Variants in TRIM67 observed in about 807,000 individuals in gnomAD.
TRIM67 encodes tripartite motif-containing protein 67.
In TRIM67, 39 loss-of-function variants were observed where a neutral mutation model predicts 71.0. The observed-to-expected ratio is 0.55, with a 90% CI of 0.43 to 0.72. The LOEUF (loss-of-function observed/expected upper bound fraction) is 0.72. TRIM67 is among the 30% of genes least tolerant of loss of function. TRIM67 has a pLI of 0.00. For synonymous variants in TRIM67, 481 were observed against 473.9 expected (o/e 1.01, Z -0.19); for missense variants, 973 against 1,079.2 (o/e 0.90, Z 1.38).
chr1:231,192,011 A>G (rs534635239), intron 1 of TRIM67, among the ~76,000 whole-genome samples: 2 of 152,286 alleles, frequency 1.3e-5, no homozygotes, highest in African/African-American at 2.4e-5. Context: ...TGGGCCACCC[A>G]TCTTTAGAGA....
chr1:231,200,669 C>T (rs1028708637), intron 4 of TRIM67, among the ~76,000 whole-genome samples: 6 of 152,186 alleles, frequency 3.9e-5, no homozygotes, highest in African/African-American at 1.2e-4. Flanking sequence ...TTCTCGGGGC[C>T]ATCTCTCCTG....
At chr1:231,187,527 AG>A in intron 1 of TRIM67, 1 of 1,531,250 alleles carries the variant, frequency 6.5e-7, no homozygotes, top group Non-Finnish European at 8.7e-7. Context: ...CTTAGCACTG[AG>A]GGGCAGATAA....
In TRIM67 at chr1:231,162,663, G is replaced by T; in HGVS notation, c.-307G>T. On this transcript the variant is annotated 5_prime_UTR_variant, in exon 1 of 10. Transcript: ENST00000366653. ...CGCTGGTGCTGATTCATCACCTAAA[G>T]CTCCTCGCAGGCCACCGCGAGGGCA... The T allele has an allele frequency of 2.6e-6, 1 of 390,596 alleles. No homozygotes were observed. Among genetic ancestry groups the T allele is most frequent in the Non-Finnish European group, 4.6e-6 (1 of 216,758 alleles). 24.2% of individuals were successfully genotyped at this position (390,596 alleles called of 1,614,324 possible).
chr1:231,208,841 GC>G (rs1277345363), intron 7 of TRIM67, 105 bp from the exon 8 acceptor site: 2 of 1,138,226 alleles, frequency 1.8e-6, no homozygotes, highest in African/African-American at 1.6e-5. Flanking sequence ...ACTTCTGGGT[GC>G]CGACTTTCTA....
In TRIM67 at chr1:231,214,020, A is replaced by G. The variant is rs565683602; in HGVS notation, c.2286+43A>G. ...GCCGGACCTGGTCTGGCTGCTCCCA[A>G]CTGTTTGCCACAGGTCTCTGCAGTG... On this transcript the variant is annotated intron_variant, in intron 9 of 9. Transcript: ENST00000366653. 116 of 1,555,974 alleles carry G rather than the reference A, an allele frequency of 7.5e-5. No individual in the cohort carries two copies. The East Asian group carries it at 1.4e-3, about 19-fold the overall frequency.
chr1:231,188,747 A>G (rs1465960809), intron 1 of TRIM67, among the ~76,000 whole-genome samples: 1 of 152,162 alleles, frequency 6.6e-6, no homozygotes, highest in Non-Finnish European at 1.5e-5. Flanking sequence ...GTTATGAGGA[A>G]TCAGATAAAT....
chr1:231,206,310 G>A (rs538988418), intron 6 of TRIM67, among the ~76,000 whole-genome samples: 8 of 151,896 alleles, frequency 5.3e-5, no homozygotes, highest in Non-Finnish European at 1.2e-4. Context: ...GCATGGTGGT[G>A]CATGCTTGTA....
chr1:231,195,077 A>G (rs1683332507), intron 1 of TRIM67, among the ~76,000 whole-genome samples: 1 of 152,152 alleles, frequency 6.6e-6, no homozygotes, highest in Non-Finnish European at 1.5e-5. Flanking sequence ...CAGTATGTCA[A>G]CAGTTTGAGG....
At position 231,163,965 on chromosome 1, in the gene TRIM67, C is replaced by T. The variant is rs1383498568; in HGVS notation, c.996C>T (p.His332=). 2 of 1,582,080 alleles carry T rather than the reference C, an allele frequency of 1.3e-6. No individual in the cohort carries two copies. Among genetic ancestry groups the T allele is most frequent in the Admixed American group, 1.8e-5 (1 of 55,942 alleles). ...ATCTGTGCCTGGAGGAGGGCCGGCA[C>T]GCCAAGCACGAGGTGAAGCCGCTGG... The part of the protein sequence containing the change: ...VCYLCLEEGR[H]AKHEVKPLGA... Residue 332 remains histidine, a synonymous_variant, in exon 1 of 10, where the codon CAC becomes CAT. Coordinates refer to ENST00000366653, the MANE Select transcript of TRIM67 (RefSeq NM_001004342.5).
At chr1:231,202,154 G>A (rs1402193953) in intron 5 of TRIM67, among the ~76,000 whole-genome samples, 3 of 150,336 alleles carry the variant, frequency 2.0e-5, no homozygotes, top group Admixed American at 6.6e-5. Context: ...AAGAGGTAGC[G>A]GAGGAGGAGG....
chr1:231,165,540 A>G (rs1289654864), intron 1 of TRIM67, among the ~76,000 whole-genome samples: 1 of 152,332 alleles, frequency 6.6e-6, no homozygotes, highest in East Asian at 1.9e-4. Context: ...AAGAGTGCTT[A>G]TTTGGCCTCA....
chr1:231,218,047 C>G lies in TRIM67; in HGVS notation c.*2607C>G, dbSNP rs1265011108. 1 of 1,164,062 alleles carries G rather than the reference C, an allele frequency of 8.6e-7. No individual in the cohort carries two copies. Among genetic ancestry groups the G allele is most frequent in the African/African-American group, 1.6e-5 (1 of 62,342 alleles). The allele number at this position is 1,164,062 out of a possible 1,614,324, so 72.1% of individuals were successfully genotyped here. ...CCAGCTCTCCTTCACAGACACCTCT[C>G]CTGTCTTCAGCACAAAACACCTTCA... On this transcript the variant is annotated 3_prime_UTR_variant, in exon 10 of 10. Coordinates refer to ENST00000366653, the MANE Select transcript of TRIM67 (RefSeq NM_001004342.5).
chr1:231,165,950 A>G (rs1682449593), intron 1 of TRIM67, among the ~76,000 whole-genome samples: 2 of 152,246 alleles, frequency 1.3e-5, no homozygotes, highest in African/African-American at 4.8e-5. Context: ...TTGCAATTGT[A>G]AGAGAAATTA....
chr1:231,219,935 G>C lies in TRIM67; in HGVS notation c.*4495G>C. On this transcript the variant is annotated 3_prime_UTR_variant, in exon 10 of 10. Transcript: ENST00000366653. ...GATCAGACACCAAGTTCAGCCCTCG[G>C]TTACTTCCCTCTTTTAACCTGGCTT... 7.8e-7 allele frequency: 1 copy of C among 1,289,778 alleles called. No individual in the cohort carries two copies. The highest frequency in any genetic ancestry group is 1.2e-5 in the South Asian group (1 of 81,022). The allele number at this position is 1,289,778 out of a possible 1,614,324, so 79.9% of individuals were successfully genotyped here. A position where few individuals can be genotyped will look rare whatever the true frequency, so the allele number is the denominator to read the frequency against.
In TRIM67 at chr1:231,217,580, C is replaced by G; in HGVS notation, c.*2140C>G. 9.4e-7 allele frequency: 1 copy of G among 1,059,368 alleles called. No homozygotes were observed. Among genetic ancestry groups the G allele is most frequent in the South Asian group, 3.0e-5 (1 of 33,620 alleles). The allele number at this position is 1,059,368 out of a possible 1,614,324, so 65.6% of individuals were successfully genotyped here. ...GCCATCAGCTTTGGGAAGTGTCTAG[C>G]TCTCTTCTGAAAAAAAAACAGGCCT... On this transcript the variant is annotated 3_prime_UTR_variant, in exon 10 of 10. Transcript: ENST00000366653.
At chr1:231,185,142 G>C (rs1451784586) in intron 1 of TRIM67, 3 of 1,532,822 alleles carry the variant, frequency 2.0e-6, no homozygotes, top group Non-Finnish European at 2.6e-6. Flanking sequence ...AATGGGAAGT[G>C]TGTGTTGTCC....
intron 1 of TRIM67, chr1:231,187,607 T>C (rs1364941266): frequency 4.7e-6 from 7 of 1,497,272 alleles, no homozygotes; most frequent in Non-Finnish European, 6.2e-6. Context: ...TGTGAAACTC[T>C]CAGTGAAGCT....
intron 8 of TRIM67, among the ~76,000 whole-genome samples, chr1:231,210,971 C>T (rs1683851094): frequency 7.0e-6 from 1 of 142,660 alleles, no homozygotes; most frequent in Admixed American, 6.9e-5. Flanking sequence ...CGCTTGTGCC[C>T]AGGAGTTCAA....
In TRIM67 at chr1:231,209,412, C is replaced by T. The variant is rs1303688807; in HGVS notation, c.2123+162C>T. Reference sequence around the variant, plus strand: ...TTTTCTAGGAGGCCTTCACTCTGCCCATATAGAACTGGCCTGCAGCCCAGA... The same window carrying T: ...TTTTCTAGGAGGCCTTCACTCTGCCTATATAGAACTGGCCTGCAGCCCAGA... On this transcript the variant is annotated intron_variant, in intron 8 of 9. Transcript: ENST00000366653. The surrounding 1 kb of genome is among the most constrained non-coding windows in gnomAD (Gnocchi z 4.1). 6.6e-6 allele frequency among the ~76,000 whole-genome samples: 1 copy of T among 152,174 alleles called. No individual in the cohort carries two copies. Among genetic ancestry groups the T allele is most frequent in the Non-Finnish European group, 1.5e-5 (1 of 68,024 alleles).
Sources: gnomAD v4.1 joint callset for allele counts (sites outside exome capture counted in the v4.1 genomes callset) on GRCh38, gnomAD v4.1.1 for gene constraint, Gnocchi (gnomAD v3.1) non-coding constraint, MANE v1.5 for transcripts, NCBI Gene and HGNC (gene_info 2026-07-23, HGNC 2026-07-21) for gene names.